SVIL: variants seen among roughly 807,000 people sequenced by gnomAD.
The protein encoded by SVIL is archvillin.
SVIL carries 101 observed loss-of-function variants against 240.4 expected under a neutral mutation model. That is an observed-to-expected ratio of 0.42 (90% CI 0.36 to 0.50). SVIL has a LOEUF of 0.50. Among genes scored for constraint, SVIL ranks in the 20% least tolerant of loss-of-function variants. The pLI, the probability that SVIL is intolerant of heterozygous loss-of-function variation, is 0.01. For synonymous variants in SVIL, 999 were observed against 1,100.0 expected, an observed-to-expected ratio of 0.91 and a Z score of 1.82; for missense variants, 2,512 against 2,818.7, an observed-to-expected ratio of 0.89 and a Z score of 2.46.
In SVIL at chr10:29,735,389, C is replaced by A. The variant is rs1046438932; in HGVS notation, c.-400+362G>T. 1.3e-5 allele frequency among the ~76,000 whole-genome samples: 2 copies of A among 152,090 alleles called. No individual in the cohort carries two copies. Among genetic ancestry groups the A allele is most frequent in the South Asian group, 4.1e-4 (2 of 4,836 alleles). Reference sequence around the variant, plus strand: ...CCTCCCCGCCATGCTCTCAGCGTAACGGGCAGCCGCGCTAACTTCCCGAAA... The same window carrying A: ...CCTCCCCGCCATGCTCTCAGCGTAAAGGGCAGCCGCGCTAACTTCCCGAAA... On this transcript the variant is annotated intron_variant, in intron 1 of 35. Coordinates refer to the SVIL transcript ENST00000375400. The surrounding 1 kb of genome is among the most constrained non-coding windows in gnomAD (Gnocchi z 4.1).
At chr10:29,651,627 T>TCTCTCTCTCTCA in intron 3 of SVIL, among the ~76,000 whole-genome samples, 1 of 151,344 alleles carries the variant, frequency 6.6e-6, no homozygotes, top group Admixed American at 6.6e-5. Flanking sequence ...ATTCTCTCTC[T>TCTCTCTCTCTCA]CTCTCTCTCT....
intron 2 of SVIL, among the ~76,000 whole-genome samples, chr10:29,681,227 G>T (rs1274890781): frequency 6.6e-6 from 1 of 152,140 alleles, no homozygotes; most frequent in Non-Finnish European, 1.5e-5. Context: ...ATGAGCCAAA[G>T]AGGATGGGCA....
chr10:29,522,171 A>G (rs777223677), intron 16 of SVIL, among the ~76,000 whole-genome samples: 3 of 152,150 alleles, frequency 2.0e-5, no homozygotes, highest in African/African-American at 7.2e-5. Context: ...TTGTTTTCTC[A>G]TCTGAGTCTG....
In SVIL at chr10:29,664,689, TATACAC is replaced by T. The variant is rs1383616194; in HGVS notation, c.-300-6627_-300-6622del. Among the ~76,000 whole-genome samples, 92 of 142,990 alleles carry T rather than the reference TATACAC, an allele frequency of 6.4e-4. No homozygotes were observed. The South Asian group carries it at 0.012, about 18-fold the overall frequency. The allele number at this position is 142,990 out of a possible 152,430, so 93.8% of individuals were successfully genotyped here. A position where few individuals can be genotyped will look rare whatever the true frequency, so the allele number is the denominator to read the frequency against. On this transcript the variant is annotated intron_variant, in intron 2 of 35. Transcript: ENST00000375400. ...TATTTCGTAATTTTATATATATATA[TATACAC>T]ACACACACACACATGCACACATACA...
intron 1 of SVIL, among the ~76,000 whole-genome samples, chr10:29,600,044 CT>C (rs949233767): frequency 6.6e-6 from 1 of 150,588 alleles, no homozygotes; most frequent in Admixed American, 6.6e-5. Context: ...TTTTTTGATT[CT>C]TTTTTTTTCT....
intron 16 of SVIL, among the ~76,000 whole-genome samples, chr10:29,520,787 G>T (rs10400103): frequency 0.44 from 66,097 of 151,266 alleles, 15,073 homozygotes; most frequent in African/African-American, 0.56. Flanking sequence ...ATGGTGGTAC[G>T]TGTCTGCAGT....
intron 1 of SVIL, among the ~76,000 whole-genome samples, chr10:29,613,309 T>A (rs1220836345): frequency 6.6e-6 from 1 of 152,106 alleles, no homozygotes; most frequent in Non-Finnish European, 1.5e-5. Context: ...AAAGCCATAT[T>A]TTTCAAGATC....
Position 29,461,192 on chromosome 10 carries a change from A to C in SVIL, c.6402+1085T>G, listed in dbSNP as rs576356899. Reference sequence around the variant, plus strand: ...GCTTTCTTCTGTGTAGTGAGCAATAAGCCCTGGACTGAACCCCTGGCAATT... The same window carrying C: ...GCTTTCTTCTGTGTAGTGAGCAATACGCCCTGGACTGAACCCCTGGCAATT... On this transcript the variant is annotated intron_variant, in intron 36 of 37. Coordinates refer to ENST00000355867, the MANE Select transcript of SVIL (RefSeq NM_021738.3). Among the ~76,000 whole-genome samples, 56 of 152,334 alleles carry C rather than the reference A, an allele frequency of 3.7e-4. 2 individuals carry two copies. The South Asian group carries it at 9.7e-3, about 26-fold the overall frequency.
chr10:29,561,904 T>C (rs1483640925), intron 3 of SVIL, among the ~76,000 whole-genome samples: 2 of 152,284 alleles, frequency 1.3e-5, no homozygotes, highest in Admixed American at 1.3e-4. Flanking sequence ...TTCTTGAAAA[T>C]TGCCACATGT....
intron 21 of SVIL, among the ~76,000 whole-genome samples, chr10:29,492,582 T>C (rs1466380390): frequency 6.6e-6 from 1 of 152,182 alleles, no homozygotes; most frequent in African/African-American, 2.4e-5. Context: ...CGCACTTTTC[T>C]TTTTGCTGAA....
chr10:29,646,363 C>A (rs2132995400), intron 3 of SVIL, among the ~76,000 whole-genome samples: 1 of 152,300 alleles, frequency 6.6e-6, no homozygotes, highest in Admixed American at 6.5e-5. Flanking sequence ...GACTCCCTTG[C>A]AAAATCTTCC....
chr10:29,494,209 G>T (rs1418325070), intron 20 of SVIL, among the ~76,000 whole-genome samples: 1 of 152,182 alleles, frequency 6.6e-6, no homozygotes, highest in Non-Finnish European at 1.5e-5. Context: ...TGGGCAGCTG[G>T]ATTTGGCAAT....
chr10:29,566,180 T>C (rs1464056346), intron 2 of SVIL, among the ~76,000 whole-genome samples: 1 of 152,212 alleles, frequency 6.6e-6, no homozygotes, highest in Admixed American at 6.5e-5. Flanking sequence ...TTCTTTCATC[T>C]TTGGACAGGG....
chr10:29,504,093 A>G (rs185470112), intron 17 of SVIL, among the ~76,000 whole-genome samples: 114 of 152,372 alleles, frequency 7.5e-4, no homozygotes, highest in African/African-American at 2.6e-3. Flanking sequence ...TAGAATGAAG[A>G]AAAGATAGTA....
intron 21 of SVIL, 101 bp from the exon 22 acceptor site, chr10:29,491,120 A>T: frequency 7.4e-7 from 1 of 1,355,416 alleles, no homozygotes; most frequent in Non-Finnish European, 9.8e-7. Flanking sequence ...ATTTTGTTAC[A>T]AATCTTGCAA....
chr10:29,673,949 C>T (rs527694141), intron 2 of SVIL, among the ~76,000 whole-genome samples: 6 of 152,308 alleles, frequency 3.9e-5, no homozygotes, highest in Admixed American at 2.0e-4. Flanking sequence ...TTAAGCCTCT[C>T]ATCTTTGAAT....
At chr10:29,548,848 G>T (rs1349273333) in intron 6 of SVIL, among the ~76,000 whole-genome samples, 1 of 152,186 alleles carries the variant, frequency 6.6e-6, no homozygotes, top group Non-Finnish European at 1.5e-5. Flanking sequence ...AACTATGAAA[G>T]GGGTGTGAGA....
In SVIL at chr10:29,522,439, T is replaced by C; in HGVS notation, c.3360A>G (p.Ser1120=). The C allele has an allele frequency of 6.2e-7, 1 of 1,614,142 alleles. No individual in the cohort carries two copies. The highest frequency in any genetic ancestry group is 2.2e-5 in the East Asian group (1 of 44,876). ...KTPTGEGLLD[S]PSKTMSIKER... Reference sequence around the variant, plus strand: ...CTTTAATAGACATGGTTTTGCTGGGTGAGTCAAGAAGGCCCTCCCCTGTCG... The same window carrying C: ...CTTTAATAGACATGGTTTTGCTGGGCGAGTCAAGAAGGCCCTCCCCTGTCG... The change falls in exon 16 of 38, where the codon TCA becomes TCG. Residue 1120 remains serine (S), a synonymous_variant. Coordinates refer to ENST00000355867, the MANE Select transcript of SVIL (RefSeq NM_021738.3).
At chr10:29,556,493 G>C (rs1431475289) in intron 3 of SVIL, among the ~76,000 whole-genome samples, 3 of 152,130 alleles carry the variant, frequency 2.0e-5, no homozygotes, top group Non-Finnish European at 4.4e-5. Context: ...TGTGTTCAGG[G>C]ATAGAAGCCT....
Sources: allele counts gnomAD v4.1 joint callset (sites outside exome capture counted in the v4.1 genomes callset), GRCh38; gene constraint gnomAD v4.1.1; non-coding constraint Gnocchi (gnomAD v3.1); transcripts MANE v1.5; gene names NCBI Gene and HGNC (gene_info 2026-07-23, HGNC 2026-07-21).